Variants in XYLB observed in about 807,000 individuals in gnomAD.
XYLB encodes xylulose kinase.
XYLB carries 62 observed loss-of-function variants against 78.7 expected under a neutral mutation model. That is an observed-to-expected ratio of 0.79 (90% confidence interval 0.64 to 0.97). The LOEUF is 0.97. XYLB is among the 50% of genes least tolerant of loss of function. XYLB has a pLI of 0.00. For synonymous variants in XYLB, 245 were observed against 247.4 expected (o/e 0.99, Z 0.09); for missense variants, 687 against 676.8 (o/e 1.02, Z -0.17).
In XYLB at chr3:38,349,415, C is replaced by G. The variant is rs1436928613; in HGVS notation, c.140+783C>G. 2.0e-5 allele frequency among the ~76,000 whole-genome samples: 3 copies of G among 152,246 alleles called. No individual in the cohort carries two copies. In the East Asian group the frequency reaches 5.8e-4, roughly 29 times the overall value. Reference sequence around the variant, plus strand: ...TTGTATTTTTGTTTTGAAAATATCTCTCTGGGGGCATTGGGAGAACAGATT... The same window carrying G: ...TTGTATTTTTGTTTTGAAAATATCTGTCTGGGGGCATTGGGAGAACAGATT... On this transcript the variant is annotated intron_variant, in intron 2 of 18. Coordinates refer to ENST00000207870, the MANE Select transcript of XYLB (RefSeq NM_005108.4).
At chr3:38,378,397 G>C (rs1232094218) in intron 14 of XYLB, among the ~76,000 whole-genome samples, 2 of 152,250 alleles carry the variant, frequency 1.3e-5, no homozygotes. Context: ...CTAGGAGGGA[G>C]AGGGACAGTA....
intron 18 of XYLB, among the ~76,000 whole-genome samples, chr3:38,407,760 A>G (rs1708390242): frequency 6.6e-6 from 1 of 151,936 alleles, no homozygotes. Flanking sequence ...CAGACTTTAA[A>G]CCAACAAAGA....
rs138731868 is a variant in XYLB, at chr3:38,371,866, C to T, written c.766-789C>T. ...CACAGCTTTCTGACCCGCTTTCTGA[C>T]GCAGGTCAGAAAGGCAGAGAAAGGG... On this transcript the variant is annotated intron_variant, in intron 9 of 18. Coordinates refer to ENST00000207870, the MANE Select transcript of XYLB (RefSeq NM_005108.4). Among the ~76,000 whole-genome samples, 10 of 152,264 alleles carry T rather than the reference C, an allele frequency of 6.6e-5. No individual in the cohort carries two copies. The East Asian group carries it at 1.2e-3, about 18-fold the overall frequency.
chr3:38,367,107 G>T (rs530775209), intron 7 of XYLB, among the ~76,000 whole-genome samples: 1 of 152,268 alleles, frequency 6.6e-6, no homozygotes, highest in East Asian at 1.9e-4. Context: ...GAGGGTGAGG[G>T]TCCAGGTGGG....
intron 18 of XYLB, among the ~76,000 whole-genome samples, chr3:38,403,361 G>T (rs1383280220): frequency 6.6e-6 from 1 of 151,960 alleles, no homozygotes; most frequent in South Asian, 2.1e-4. Context: ...TTGAAATTTG[G>T]TGTGCATTTA....
At chr3:38,448,231 G>T in the XYLB span, among the ~76,000 whole-genome samples, 3 of 151,338 alleles carry the variant, frequency 2.0e-5, no homozygotes, top group African/African-American at 7.3e-5. Context: ...ACTGGGAGGG[G>T]TGAGTAGGGA....
chr3:38,377,325 C>A (rs1706912667), intron 14 of XYLB, among the ~76,000 whole-genome samples: 2 of 152,140 alleles, frequency 1.3e-5, no homozygotes, highest in Non-Finnish European at 2.9e-5. Flanking sequence ...ATCTTGAGAT[C>A]ATGAATTTCC....
In XYLB at chr3:38,366,809, G is replaced by GAA; in HGVS notation, c.509_510insAA (p.Phe171IlefsTer50). 6.2e-7 allele frequency: 1 copy of GAA among 1,610,264 alleles called. No individual in the cohort carries two copies. The highest frequency in any genetic ancestry group is 8.5e-7 in the Non-Finnish European group (1 of 1,176,622). ...TAAGAATTTATATTCCTTTTCCAGC[G>GAA]TTTTACAGGGAACCAAATTGCAAAA... is the stretch of plus-strand genomic sequence containing the variant. On this transcript the variant is annotated frameshift_variant and splice_region_variant, in exon 7 of 19. Coordinates refer to ENST00000207870, the MANE Select transcript of XYLB (RefSeq NM_005108.4). LOFTEE classifies it high-confidence loss of function.
chr3:38,369,541 C>T (rs577009812), intron 8 of XYLB, among the ~76,000 whole-genome samples: 11 of 152,336 alleles, frequency 7.2e-5, no homozygotes, highest in African/African-American at 2.6e-4. Flanking sequence ...GAGGAGTTCT[C>T]TCCACCCATG....
intron 8 of XYLB, among the ~76,000 whole-genome samples, chr3:38,369,243 G>T (rs1706418062): frequency 6.6e-6 from 1 of 152,190 alleles, no homozygotes; most frequent in Non-Finnish European, 1.5e-5. Context: ...ACAATCTGGA[G>T]GAGGCAACAG....
chr3:38,404,583 G>T (rs543305145), intron 18 of XYLB, among the ~76,000 whole-genome samples: 1 of 152,184 alleles, frequency 6.6e-6, no homozygotes, highest in African/African-American at 2.4e-5. Context: ...TTCGGAGGCC[G>T]AGGCGGATGG....
At chr3:38,418,011 G>A (rs1708854493), downstream of XYLB, among the ~76,000 whole-genome samples, 1 of 151,524 alleles carries the variant, frequency 6.6e-6, no homozygotes, top group Non-Finnish European at 1.5e-5. Flanking sequence ...GGCCAACATG[G>A]TGAAACCCCG....
the XYLB span, among the ~76,000 whole-genome samples, chr3:38,432,923 G>A: frequency 1.3e-5 from 2 of 152,304 alleles, no homozygotes; most frequent in East Asian, 3.9e-4. Flanking sequence ...TCTGGAGGAT[G>A]GTGGCCCTCT....
chr3:38,383,778 G>A (rs771253006), intron 15 of XYLB, among the ~76,000 whole-genome samples: 48 of 152,112 alleles, frequency 3.2e-4, no homozygotes, highest in African/African-American at 1.1e-3. Context: ...GGGCGACAGA[G>A]CGAGACCATG....
chr3:38,392,458 C>G (rs1478189808), intron 15 of XYLB, among the ~76,000 whole-genome samples: 2 of 152,028 alleles, frequency 1.3e-5, no homozygotes, highest in Non-Finnish European at 2.9e-5. Flanking sequence ...CCACCATGCC[C>G]AGCTAATTTT....
chr3:38,442,874 T>G, the XYLB span, among the ~76,000 whole-genome samples: 3,640 of 152,198 alleles, frequency 0.024, 149 homozygotes, highest in East Asian at 0.16. Context: ...TGGGCGGGCA[T>G]TTTTGCCCTT....
chr3:38,360,028 C>A (rs1173894519), intron 2 of XYLB, among the ~76,000 whole-genome samples: 1 of 152,166 alleles, frequency 6.6e-6, no homozygotes, highest in African/African-American at 2.4e-5. Context: ...CTCTCCAAAC[C>A]TATGGGGCTT....
At chr3:38,356,485 T>G (rs1271337133) in intron 2 of XYLB, 2 of 152,138 alleles carry the variant, frequency 1.3e-5, no homozygotes, top group Non-Finnish European at 2.9e-5. Flanking sequence ...CACAATCAAC[T>G]CTCTATCTCT....
intron 17 of XYLB, among the ~76,000 whole-genome samples, chr3:38,398,344 T>G (rs1283578541): frequency 6.6e-6 from 1 of 151,682 alleles, no homozygotes; most frequent in Non-Finnish European, 1.5e-5. Context: ...GGCACACACC[T>G]GTAGTCCCAG....
Sources: gnomAD v4.1 joint callset for allele counts (sites outside exome capture counted in the v4.1 genomes callset) on GRCh38, gnomAD v4.1.1 for gene constraint, MANE v1.5 for transcripts, NCBI Gene and HGNC (gene_info 2026-07-23, HGNC 2026-07-21) for gene names.